Variants in FAM234A observed in about 807,000 individuals in gnomAD.
FAM234A encodes the protein protein FAM234A.
Under a neutral mutation model 49.1 loss-of-function variants are expected in FAM234A, and 42 were observed. The observed-to-expected ratio is 0.86, with a 90% CI of 0.67 to 1.11. The LOEUF is 1.11. FAM234A is among the 50% of genes least tolerant of loss of function. The pLI is 0.00. For missense variants in FAM234A, 815 were observed against 745.2 expected (o/e 1.09, Z -1.09); for synonymous variants, 369 against 316.2 (o/e 1.17, Z -1.77).
At chr16:257,713 C>A (rs2051291793) in intron 3 of FAM234A, among the ~76,000 whole-genome samples, 1 of 152,032 alleles carries the variant, frequency 6.6e-6, no homozygotes, top group African/African-American at 2.4e-5. Context: ...ATGCTGGGCG[C>A]AGTGGCTCAC....
At chr16:250,194 G>A (rs1005173989) in intron 2 of FAM234A, among the ~76,000 whole-genome samples, 5 of 152,204 alleles carry the variant, frequency 3.3e-5, no homozygotes, top group Non-Finnish European at 7.3e-5. Flanking sequence ...GCCTCTCAAA[G>A]TGCTGGGACT....
Position 236,388 on chromosome 16 carries a change from T to G in FAM234A, c.-140+1531T>G, listed in dbSNP as rs111445186. 8.0e-3 allele frequency among the ~76,000 whole-genome samples: 1,116 copies of G among 139,000 alleles called. 15 individuals are homozygous for G. Among genetic ancestry groups the G allele is most frequent in the African/African-American group, 0.029 (1,064 of 37,274 alleles). The allele number at this position is 139,000 out of a possible 152,430, so 91.2% of individuals were successfully genotyped here. ...GCCTGTAATCCCAGCACTTTGGGAG[T>G]TTGGGGTAGGCGGATCACTAGGTCA... On this transcript the variant is annotated intron_variant, in intron 1 of 12. Coordinates refer to ENST00000399932, the MANE Select transcript of FAM234A (RefSeq NM_032039.4).
chr16:244,258 G>T (rs116990355), intron 1 of FAM234A, among the ~76,000 whole-genome samples: 2 of 152,144 alleles, frequency 1.3e-5, no homozygotes, highest in Admixed American at 1.3e-4. Flanking sequence ...GTGAGCCACC[G>T]CGCCCGGTCG....
At chr16:258,226 A>G (rs540689669) in intron 3 of FAM234A, among the ~76,000 whole-genome samples, 28 of 150,814 alleles carry the variant, frequency 1.9e-4, no homozygotes, top group Non-Finnish European at 2.9e-4. Context: ...GGGTCATACG[A>G]CAATAGTGGA....
intron 11 of FAM234A, 128 bp from the exon 12 acceptor site, chr16:264,486 C>A: frequency 2.6e-6 from 2 of 761,120 alleles, no homozygotes; most frequent in Non-Finnish European, 4.3e-6. Context: ...GAACTGGGGG[C>A]TGGCATTTGG....
chr16:259,936 G>C (rs145523398), intron 4 of FAM234A, 33 bp from the exon 5 acceptor site: 6 of 1,598,726 alleles, frequency 3.8e-6, no homozygotes, highest in Non-Finnish European at 5.1e-6. Flanking sequence ...CCCAGATGGT[G>C]CAACAGTGAG....
downstream of FAM234A, among the ~76,000 whole-genome samples, chr16:267,776 CACCA>C (rs1172773451): frequency 1.3e-5 from 2 of 148,982 alleles, no homozygotes. Context: ...CACGTGCACA[CACCA>C]CACATGCCTC....
chr16:269,361 G>C (rs1567233530), downstream of FAM234A: 1 of 1,603,624 alleles, frequency 6.2e-7, no homozygotes, highest in Non-Finnish European at 8.5e-7. Context: ...GAGTGCCGTG[G>C]CCTCCACGTA....
rs1462086254 is a variant in FAM234A, at chr16:265,039, G to T, written c.*17G>T. ...GAGGCGTAGAGGCACGCCAGCCAGAGCCTGTGGAGAGACTCCGCCTGCTGA... is the reference window on the plus strand; with the variant it reads ...GAGGCGTAGAGGCACGCCAGCCAGATCCTGTGGAGAGACTCCGCCTGCTGA... On this transcript the variant is annotated 3_prime_UTR_variant, in exon 13 of 13. Transcript: ENST00000399932. 3 of 1,583,498 alleles carry T rather than the reference G, an allele frequency of 1.9e-6. No individual in the cohort carries two copies. Among genetic ancestry groups the T allele is most frequent in the African/African-American group, 1.3e-5 (1 of 74,604 alleles).
intron 1 of FAM234A, among the ~76,000 whole-genome samples, chr16:244,028 G>C (rs149180483): frequency 0.023 from 3,549 of 151,926 alleles, 48 homozygotes; most frequent in Middle Eastern, 0.048. Flanking sequence ...GAGTGCAGTG[G>C]TGCCATCTCG....
intron 1 of FAM234A, among the ~76,000 whole-genome samples, chr16:236,042 A>G (rs769455369): frequency 6.6e-6 from 1 of 151,670 alleles, no homozygotes; most frequent in Non-Finnish European, 1.5e-5. Flanking sequence ...AATCCCAGTT[A>G]CTCGGGTTCA....
intron 1 of FAM234A, among the ~76,000 whole-genome samples, chr16:241,397 C>T (rs1475047913): frequency 6.6e-6 from 1 of 151,936 alleles, no homozygotes; most frequent in East Asian, 1.9e-4. Flanking sequence ...GCCTGGGCAA[C>T]ATAGTGAGGC....
chr16:264,788 C>T (rs377398838), intron 12 of FAM234A, 23 bp from the exon 13 acceptor site: 49 of 1,607,130 alleles, frequency 3.0e-5, no homozygotes, highest in East Asian at 4.5e-5. Flanking sequence ...GCCGCCCTGA[C>T]AGCTGTGTCC....
chr16:255,162 G>C (rs1386806779), intron 3 of FAM234A, among the ~76,000 whole-genome samples: 1 of 152,014 alleles, frequency 6.6e-6, no homozygotes, highest in Non-Finnish European at 1.5e-5. Context: ...CCCTAATTTT[G>C]TATTTTTGGT....
Position 259,507 on chromosome 16 carries a change from A to G in FAM234A, c.293A>G (p.Asp98Gly). ...GTTATCTATGACTTTCTGGCTGTGGATGATATAAACGGGGACAGGATCCAA... is the reference window on the plus strand; with the variant it reads ...GTTATCTATGACTTTCTGGCTGTGGGTGATATAAACGGGGACAGGATCCAA... The part of the protein sequence containing the change: ...AAVIYDFLAV[D>G]DINGDRIQDV... The change falls in exon 4 of 13, where the codon GAT becomes GGT. Residue 98 changes from aspartate (D) to glycine (G), a missense_variant. Physicochemically the swap from Asp to Gly is moderately conservative, Grantham distance 94. Coordinates refer to ENST00000399932, the MANE Select transcript of FAM234A (RefSeq NM_032039.4). 6.2e-7 allele frequency: 1 copy of G among 1,608,352 alleles called. No individual in the cohort carries two copies. The highest frequency in any genetic ancestry group is 8.5e-7 in the Non-Finnish European group (1 of 1,174,964).
Position 241,919 on chromosome 16 carries a change from A to G in FAM234A, c.-140+7062A>G, listed in dbSNP as rs867567903. 6.6e-5 allele frequency among the ~76,000 whole-genome samples: 10 copies of G among 152,174 alleles called. No homozygotes were observed. In the South Asian group the frequency reaches 1.0e-3, roughly 16 times the overall value. On this transcript the variant is annotated intron_variant, in intron 1 of 12. Transcript: ENST00000399932. ...AGACAACGTCTCAAAAAAAAAAAAA[A>G]AAAAGGCAATTAGAATGAGACTTTT...
chr16:267,600 TAC>T (rs1242819694), downstream of FAM234A, among the ~76,000 whole-genome samples: 1 of 148,324 alleles, frequency 6.7e-6, no homozygotes, highest in Non-Finnish European at 1.5e-5. Context: ...GTGCTATGCG[TAC>T]ACACCACACG....
chr16:269,674 G>T, downstream of FAM234A: 1 of 1,014,744 alleles, frequency 9.9e-7, no homozygotes, highest in Non-Finnish European at 1.5e-6. Flanking sequence ...CATTGCTGGA[G>T]CCTCCTCCAG....
chr16:267,707 C>T (rs1162623071), downstream of FAM234A, among the ~76,000 whole-genome samples: 2 of 148,526 alleles, frequency 1.3e-5, no homozygotes, highest in Non-Finnish European at 1.5e-5. Flanking sequence ...CACAATCACA[C>T]GTGCTATGCG....
Sources: gnomAD v4.1 joint callset for allele counts (sites outside exome capture counted in the v4.1 genomes callset) on GRCh38, gnomAD v4.1.1 for gene constraint, MANE v1.5 for transcripts, NCBI Gene and HGNC (gene_info 2026-07-23, HGNC 2026-07-21) for gene names.